Variants in AASS observed in about 807,000 individuals in gnomAD.
AASS encodes aminoadipate-semialdehyde synthase.
Under a neutral mutation model 105.4 loss-of-function variants are expected in AASS, and 86 were observed. The observed-to-expected ratio is 0.82, with a 90% confidence interval of 0.69 to 0.98. AASS has a LOEUF of 0.98. AASS is among the 50% of genes least tolerant of loss of function. AASS has a pLI of 0.00. For synonymous variants in AASS, 381 were observed against 394.8 expected (o/e 0.96, Z 0.41); for missense variants, 1,048 against 1,143.2 (o/e 0.92, Z 1.20).
At chr7:122,081,664 G>A in intron 19 of AASS, 69 bp from the exon 20 acceptor site, 1 of 1,045,784 alleles carries the variant, frequency 9.6e-7, no homozygotes, top group Non-Finnish European at 1.5e-6. Context: ...AAATATTTTT[G>A]AAAAGAGGGA....
chr7:122,091,655 G>T, intron 18 of AASS, 48 bp downstream of exon 18: 1 of 1,612,652 alleles, frequency 6.2e-7, no homozygotes, highest in Non-Finnish European at 8.5e-7. Context: ...GACTGTCTCA[G>T]GCTGTTATTG....
At position 122,086,656 on chromosome 7, in the gene AASS, T is replaced by C. The variant is rs115755404; in HGVS notation, c.2017-477A>G. Among the ~76,000 whole-genome samples, 774 of 152,168 alleles carry C rather than the reference T, an allele frequency of 5.1e-3. 5 individuals are homozygous for C. The highest frequency in any genetic ancestry group is 0.017 in the African/African-American group (724 of 41,562). On this transcript the variant is annotated intron_variant, in intron 18 of 23. Coordinates refer to ENST00000417368, the MANE Select transcript of AASS (RefSeq NM_005763.4). ...TAAATAAGCTAAAAGCAACAGATAA[T>C]TATTTAAATGGCTTCTATGCTCAAA...
At chr7:122,125,063 T>C (rs1448862247) in intron 4 of AASS, among the ~76,000 whole-genome samples, 1 of 152,004 alleles carries the variant, frequency 6.6e-6, no homozygotes, top group Non-Finnish European at 1.5e-5. Flanking sequence ...GCTGGGATTA[T>C]AGACATGCAC....
Position 122,116,277 on chromosome 7 carries a change from T to C in AASS, c.894+356A>G, listed in dbSNP as rs73426016. Among the ~76,000 whole-genome samples the C allele has an allele frequency of 4.1e-3, 625 of 152,304 alleles. 7 individuals carry two copies. The highest frequency in any genetic ancestry group is 0.014 in the African/African-American group (595 of 41,558). ...ATTATGGTTGCAATTTGCGGCCATG[T>C]TGAGACCAAACGTCATAGGCATTAT... On this transcript the variant is annotated intron_variant, in intron 8 of 23. Coordinates refer to ENST00000417368, the MANE Select transcript of AASS (RefSeq NM_005763.4).
At chr7:122,124,440 G>A (rs1268829339) in intron 4 of AASS, among the ~76,000 whole-genome samples, 4 of 151,878 alleles carry the variant, frequency 2.6e-5, no homozygotes, top group South Asian at 2.1e-4. Flanking sequence ...CCACCATCAC[G>A]CCCGGCTAAT....
At position 122,116,972 on chromosome 7, in the gene AASS, T is replaced by C. The variant is rs279676; in HGVS notation, c.688-15A>G. ...GCTTGGGCTCCCTACAAATAACACATGAGTAAAAATCCAAAAATCAATAGA... is the reference window on the plus strand; with the variant it reads ...GCTTGGGCTCCCTACAAATAACACACGAGTAAAAATCCAAAAATCAATAGA... On this transcript the variant is annotated splice_polypyrimidine_tract_variant and intron_variant, in intron 6 of 23. Coordinates refer to ENST00000417368, the MANE Select transcript of AASS (RefSeq NM_005763.4). 0.078 allele frequency: 125,182 copies of C among 1,609,226 alleles called. 5,771 individuals carry two copies. Among genetic ancestry groups the C allele is most frequent in the African/African-American group, 0.2 (14,913 of 74,856 alleles).
rs750859178 is a variant in AASS at position 122,078,947 on chromosome 7, C to T, written c.2400G>A (p.Leu800=). ...GAACTTGTTCATCCCCAAGTAAGCC[C>T]AACCTGAAAAGCACAGGAGATGGCT... ...DNTQLEAAEW[L]GLLGDEQVPQ... The change falls in exon 22 of 24, where the codon TTG becomes TTA. Residue 800 remains leucine (L), a synonymous_variant. Coordinates refer to ENST00000417368, the MANE Select transcript of AASS (RefSeq NM_005763.4). 3.1e-6 allele frequency: 5 copies of T among 1,614,110 alleles called. No homozygotes were observed. In the South Asian group the frequency reaches 5.5e-5, roughly 18 times the overall value.
At chr7:122,123,820 T>C (rs1795537787) in intron 4 of AASS, among the ~76,000 whole-genome samples, 3 of 152,186 alleles carry the variant, frequency 2.0e-5, no homozygotes, top group Non-Finnish European at 4.4e-5. Flanking sequence ...TTGTGGAGTC[T>C]CCATTATAGC....
At chr7:122,135,519 T>G (rs180871254) in intron 1 of AASS, among the ~76,000 whole-genome samples, 8 of 152,272 alleles carry the variant, frequency 5.3e-5, no homozygotes, top group Admixed American at 3.3e-4. Flanking sequence ...GTGAGAAGAT[T>G]GTGTAATTCC....
chr7:122,136,534 T>C (rs1584904309), intron 1 of AASS, among the ~76,000 whole-genome samples: 1 of 152,200 alleles, frequency 6.6e-6, no homozygotes, highest in South Asian at 2.1e-4. Flanking sequence ...TTAAAATAGA[T>C]TGCATTAAAC....
At chr7:122,078,481 A>G (rs980899149) in intron 22 of AASS, among the ~76,000 whole-genome samples, 6 of 152,016 alleles carry the variant, frequency 3.9e-5, no homozygotes, top group African/African-American at 7.2e-5. Context: ...GCATGGTGGC[A>G]GGCAACTGTA....
At chr7:122,118,756 A>G in intron 4 of AASS, 126 bp from the exon 5 acceptor site, 1 of 928,530 alleles carries the variant, frequency 1.1e-6, no homozygotes, top group Non-Finnish European at 1.7e-6. Context: ...GATTTAGAAG[A>G]GGCCTCAGTA....
At chr7:122,134,155 A>G (rs536749824) in intron 1 of AASS, among the ~76,000 whole-genome samples, 1 of 152,248 alleles carries the variant, frequency 6.6e-6, no homozygotes, top group Non-Finnish European at 1.5e-5. Flanking sequence ...ATAATGGTAT[A>G]CAAGATTCTT....
chr7:122,107,994 C>A (rs1334070561), intron 11 of AASS, among the ~76,000 whole-genome samples: 1 of 146,330 alleles, frequency 6.8e-6, no homozygotes, highest in African/African-American at 2.5e-5. Flanking sequence ...GACATTACAA[C>A]TTATACCACA....
At chr7:122,115,781 T>C (rs1451538311) in intron 8 of AASS, among the ~76,000 whole-genome samples, 8 of 152,156 alleles carry the variant, frequency 5.3e-5, no homozygotes, top group African/African-American at 9.7e-5. Flanking sequence ...ACTTCTGTGA[T>C]TGGGGAAATG....
In AASS at chr7:122,078,012, G is replaced by A; in HGVS notation, c.2488C>T (p.Pro830Ser). 5 of 1,613,676 alleles carry A rather than the reference G, an allele frequency of 3.1e-6. No individual in the cohort carries two copies. Among genetic ancestry groups the A allele is most frequent in the Non-Finnish European group, 4.2e-6 (5 of 1,179,710 alleles). The change falls in exon 23 of 24, where the codon CCT becomes TCT. Residue 830 changes from proline to serine, a missense_variant and splice_region_variant. Physicochemically the swap from Pro to Ser is moderately conservative, Grantham distance 74 (BLOSUM62 -1). Transcript: ENST00000417368. ...ATCACAATCATATCTTTTTCTTCAG[G>A]ACCTTAAAACAAATAAAGATAAGTA... is the stretch of plus-strand genomic sequence containing the variant. The part of the protein sequence containing the change: ...KHLVMKLSYG[P>S]EEKDMIVMRD...
At chr7:122,095,430 C>A (rs1450867553) in intron 15 of AASS, among the ~76,000 whole-genome samples, 1 of 151,958 alleles carries the variant, frequency 6.6e-6, no homozygotes, top group Non-Finnish European at 1.5e-5. Context: ...CTGTTAATTA[C>A]ATGATAATAT....
At position 122,073,575 on chromosome 7, in the gene AASS, T is replaced by C. The variant is rs1792864383; in HGVS notation, c.*2914A>G. On this transcript the variant is annotated 3_prime_UTR_variant, in exon 24 of 24. Transcript: ENST00000417368. Reference sequence around the variant, plus strand: ...TTGTAATTTAATTTTTTATAACAACTTGAGATAAAATCTACATACCACACA... The same window carrying C: ...TTGTAATTTAATTTTTTATAACAACCTGAGATAAAATCTACATACCACACA... Among the ~76,000 whole-genome samples the C allele has an allele frequency of 6.6e-6, 1 of 152,204 alleles. No homozygotes were observed. Among genetic ancestry groups the C allele is most frequent in the African/African-American group, 2.4e-5 (1 of 41,460 alleles).
intron 11 of AASS, among the ~76,000 whole-genome samples, chr7:122,109,537 A>G (rs1377341203): frequency 2.0e-5 from 3 of 152,070 alleles, no homozygotes; most frequent in Non-Finnish European, 4.4e-5. Context: ...TGTCAAGAAC[A>G]AACATTAAGG....
Sources: allele counts gnomAD v4.1 joint callset (sites outside exome capture counted in the v4.1 genomes callset), GRCh38; gene constraint gnomAD v4.1.1; transcripts MANE v1.5; gene names NCBI Gene and HGNC (gene_info 2026-07-23, HGNC 2026-07-21).